Variants in INPP5A observed in about 807,000 individuals in gnomAD.
The protein encoded by INPP5A is inositol polyphosphate-5-phosphatase A, also known as 43 kDa inositol polyphosphate 5-phophatase.
Under a neutral mutation model 65.2 loss-of-function variants are expected in INPP5A, and 14 were observed. The observed-to-expected ratio is 0.21, with a 90% confidence interval of 0.14 to 0.34. The LOEUF (loss-of-function observed/expected upper bound fraction) is 0.34. Ranked by LOEUF, INPP5A falls within the 10% of genes least tolerant of loss-of-function variation. The pLI, the probability that INPP5A is intolerant of heterozygous loss-of-function variation, is 1.00. For missense variants in INPP5A, 431 were observed against 545.6 expected (o/e 0.79, Z 2.09); for synonymous variants, 207 against 208.3 (o/e 0.99, Z 0.05).
chr10:132,737,975 T>C (rs528524825), intron 9 of INPP5A, among the ~76,000 whole-genome samples: 1 of 152,278 alleles, frequency 6.6e-6, no homozygotes, highest in East Asian at 1.9e-4. Flanking sequence ...AACTGGTATA[T>C]TGATGCCAAG....
intron 11 of INPP5A, among the ~76,000 whole-genome samples, chr10:132,764,221 A>G (rs1351204532): frequency 1.3e-5 from 2 of 152,284 alleles, no homozygotes; most frequent in African/African-American, 4.8e-5. Context: ...TTCAGGGATA[A>G]TGGACGAGGT....
chr10:132,654,968 AATGAGGAT>A (rs1375190396), intron 4 of INPP5A, among the ~76,000 whole-genome samples: 1 of 152,236 alleles, frequency 6.6e-6, no homozygotes, highest in Admixed American at 6.5e-5. Context: ...ATGCTTAAAA[AATGAGGAT>A]ATTAGGCTGG....
At position 132,727,014 on chromosome 10, in the gene INPP5A, C is replaced by T. The variant is rs374530931; in HGVS notation, c.732+109C>T. The stretch of plus-strand genomic sequence containing the variant: ...GGCACTTTCAATGCCATCCGCCTCC[C>T]GGGATGCACTTTTTAAGGCAAAACC... On this transcript the variant is annotated intron_variant, in intron 9 of 15. Coordinates refer to ENST00000368594, the MANE Select transcript of INPP5A (RefSeq NM_005539.5). This position sits in a 1 kb window ranked among gnomAD's most constrained non-coding sequence, Gnocchi z 6.5. The T allele has an allele frequency of 1.2e-4, 77 of 658,250 alleles. No homozygotes were observed. The East Asian group carries it at 1.2e-3, about 10-fold the overall frequency. The allele number at this position is 658,250 out of a possible 1,614,324, so 40.8% of individuals were successfully genotyped here.
chr10:132,709,966 G>T (rs1845606033), intron 7 of INPP5A, among the ~76,000 whole-genome samples: 1 of 152,226 alleles, frequency 6.6e-6, no homozygotes, highest in Admixed American at 6.5e-5. Flanking sequence ...TGCCTTACAG[G>T]GTCCCCGATG....
At chr10:132,594,681 G>T (rs1590854276) in intron 1 of INPP5A, among the ~76,000 whole-genome samples, 1 of 152,064 alleles carries the variant, frequency 6.6e-6, no homozygotes, top group African/African-American at 2.4e-5. Flanking sequence ...TGGCGTGGTG[G>T]GTGTGTGTGT....
At chr10:132,560,741 G>A (rs1262840187) in intron 1 of INPP5A, among the ~76,000 whole-genome samples, 1 of 152,148 alleles carries the variant, frequency 6.6e-6, no homozygotes, top group Non-Finnish European at 1.5e-5. Flanking sequence ...ACGTAGCTGG[G>A]ACTACAGGTG....
chr10:132,738,293 GTCC>G (rs2134610830), intron 9 of INPP5A, among the ~76,000 whole-genome samples: 1 of 152,320 alleles, frequency 6.6e-6, no homozygotes, highest in African/African-American at 2.4e-5. Flanking sequence ...AGCCTCATTC[GTCC>G]TCCTCCTTCA....
chr10:132,584,558 A>C (rs751815556), intron 1 of INPP5A, among the ~76,000 whole-genome samples: 3 of 152,228 alleles, frequency 2.0e-5, no homozygotes, highest in African/African-American at 7.2e-5. Context: ...TGTTGATACA[A>C]TGTTCACATA....
chr10:132,720,579 T>A (rs1219215916), intron 8 of INPP5A, among the ~76,000 whole-genome samples: 1 of 149,758 alleles, frequency 6.7e-6, no homozygotes, highest in Admixed American at 6.6e-5. Context: ...GTACCTCGGT[T>A]CTGTCTGGGC....
chr10:132,617,790 C>T (rs1194674256), intron 2 of INPP5A, among the ~76,000 whole-genome samples: 7 of 152,236 alleles, frequency 4.6e-5, no homozygotes, highest in Admixed American at 4.6e-4. Context: ...CCAGTTTTGC[C>T]TCCAGCATGA....
chr10:132,546,221 G>A lies in INPP5A; in HGVS notation c.75+8050G>A, dbSNP rs955754561. Among the ~76,000 whole-genome samples the A allele has an allele frequency of 9.2e-5, 14 of 152,246 alleles. No individual in the cohort carries two copies. The highest frequency in any genetic ancestry group is 2.9e-4 in the African/African-American group (12 of 41,468). Reference sequence around the variant, plus strand: ...CTTCTGGGGCAGGTCTAGGGTGATGGCGCTCCCAGCCCGCGGGGGTCTTGG... The same window carrying A: ...CTTCTGGGGCAGGTCTAGGGTGATGACGCTCCCAGCCCGCGGGGGTCTTGG... On this transcript the variant is annotated intron_variant, in intron 1 of 15. Transcript: ENST00000368594. The surrounding 1 kb of genome is among the most constrained non-coding windows in gnomAD (Gnocchi z 5.7).
Position 132,781,916 on chromosome 10 carries a change from T to C in INPP5A, c.1214T>C (p.Val405Ala), listed in dbSNP as rs1847170058. 3.7e-6 allele frequency: 6 copies of C among 1,613,886 alleles called. No individual in the cohort carries two copies. The highest frequency in any genetic ancestry group is 5.1e-6 in the Non-Finnish European group (6 of 1,179,994). The change falls in exon 15 of 16, where the codon GTG (valine) becomes GCG (alanine). Residue 405 changes from valine (V) to alanine (A), a missense_variant. Val to Ala is a moderately conservative substitution (Grantham distance 64). Transcript: ENST00000368594. ...GGGGCAGGTAAACCTCATGCCCATG[T>C]GCACAAGTGTTGTGTCGTGCAGTGA... is the stretch of plus-strand genomic sequence containing the variant. Reference protein sequence around the residue: ...MPGAGKPHAHVHKCCVVQ With the variant: ...MPGAGKPHAHAHKCCVVQ
intron 12 of INPP5A, among the ~76,000 whole-genome samples, chr10:132,770,721 A>G (rs2134682242): frequency 6.6e-6 from 1 of 152,366 alleles, no homozygotes; most frequent in Middle Eastern, 3.4e-3. Flanking sequence ...ATGTTTACAT[A>G]AGTAACATTT....
At chr10:132,570,759 G>T (rs780347866) in intron 1 of INPP5A, among the ~76,000 whole-genome samples, 5 of 152,238 alleles carry the variant, frequency 3.3e-5, no homozygotes, top group Middle Eastern at 3.4e-3. Context: ...ACACCCATAC[G>T]GTGGTGACAC....
intron 1 of INPP5A, among the ~76,000 whole-genome samples, chr10:132,599,549 A>C (rs1590858378): frequency 6.6e-6 from 1 of 152,204 alleles, no homozygotes; most frequent in Admixed American, 6.5e-5. Context: ...CCAGGCACAC[A>C]GTGCAAGCTG....
At chr10:132,559,758 C>T (rs2071177072) in intron 1 of INPP5A, among the ~76,000 whole-genome samples, 1 of 152,228 alleles carries the variant, frequency 6.6e-6, no homozygotes, top group Non-Finnish European at 1.5e-5. Flanking sequence ...GTTCCAGGGA[C>T]CTCAGTTACT....
chr10:132,744,651 G>A (rs767084517), intron 9 of INPP5A, among the ~76,000 whole-genome samples: 3 of 152,288 alleles, frequency 2.0e-5, no homozygotes, highest in East Asian at 3.9e-4. Flanking sequence ...TTCTAGATTC[G>A]GGGGCAACGT....
At chr10:132,558,911 C>T (rs374361013) in intron 1 of INPP5A, among the ~76,000 whole-genome samples, 1 of 152,198 alleles carries the variant, frequency 6.6e-6, no homozygotes, top group African/African-American at 2.4e-5. Flanking sequence ...TGGGAGCTGC[C>T]GTTCCCTCCA....
rs187538522 is a variant in INPP5A, at chr10:132,697,373, G to A, written c.371-443G>A. On this transcript the variant is annotated intron_variant, in intron 5 of 15. Coordinates refer to ENST00000368594, the MANE Select transcript of INPP5A (RefSeq NM_005539.5). This position sits in a 1 kb window ranked among gnomAD's most constrained non-coding sequence, Gnocchi z 5.6. Reference sequence around the variant, plus strand: ...CCATCTGGGAGGCACCCTGCCGCGCGCTGCCTCTCTCACCATCACACATAA... The same window carrying A: ...CCATCTGGGAGGCACCCTGCCGCGCACTGCCTCTCTCACCATCACACATAA... Among the ~76,000 whole-genome samples the A allele has an allele frequency of 1.1e-3, 170 of 152,370 alleles. No homozygotes were observed. The highest frequency in any genetic ancestry group is 3.8e-3 in the African/African-American group (158 of 41,592).
Sources: allele counts gnomAD v4.1 joint callset (sites outside exome capture counted in the v4.1 genomes callset), GRCh38; gene constraint gnomAD v4.1.1; non-coding constraint Gnocchi (gnomAD v3.1); transcripts MANE v1.5; gene names NCBI Gene and HGNC (gene_info 2026-07-23, HGNC 2026-07-21).